TIGIT: variants seen among roughly 807,000 people sequenced by gnomAD.
TIGIT encodes the protein T cell immunoreceptor with Ig and ITIM domains, also known as T-cell immunoreceptor with Ig and ITIM domains.
Under a neutral mutation model 19.6 loss-of-function variants are expected in TIGIT, and 11 were observed. That is an observed-to-expected ratio of 0.56 (90% CI 0.35 to 0.93). The LOEUF is 0.93. Ranked by LOEUF, TIGIT falls within the 40% of genes least tolerant of loss-of-function variation. The pLI, the probability that TIGIT is intolerant of heterozygous loss-of-function variation, is 0.01. For missense variants in TIGIT, 295 were observed against 303.9 expected, an observed-to-expected ratio of 0.97 and a Z score of 0.22; for synonymous variants, 130 against 125.5, an observed-to-expected ratio of 1.04 and a Z score of -0.24.
At chr3:114,307,533 A>G (rs1030900623) in intron 3 of TIGIT, 9 of 222,374 alleles carry the variant, frequency 4.0e-5, no homozygotes, top group Admixed American at 2.2e-4. Context: ...ATCAGGAGAG[A>G]GTGATGCCAA....
intron 1 of TIGIT, 91 bp from the exon 2 acceptor site, chr3:114,295,454 T>C (rs77967063): frequency 0.039 from 36,704 of 943,258 alleles, 921 homozygotes; most frequent in South Asian, 0.076. Flanking sequence ...CAAAATCCAG[T>C]TGGGGCCTCA....
At chr3:114,306,226 T>C (rs549265654) in intron 3 of TIGIT, among the ~76,000 whole-genome samples, 1 of 152,272 alleles carries the variant, frequency 6.6e-6, no homozygotes, top group East Asian at 1.9e-4. Context: ...TCTTCTGTTT[T>C]GGGAAAGGCA....
In TIGIT at chr3:114,309,015, G is replaced by A. The variant is rs2078554356; in HGVS notation, c.*884G>A. ...CAGGCCTGTAGCCTCTTCCGGCCGT[G>A]TGTGCTGGGGAAGCCCCAGGAAACG... On this transcript the variant is annotated 3_prime_UTR_variant, in exon 4 of 4. Coordinates refer to ENST00000383671, the MANE Select transcript of TIGIT (RefSeq NM_173799.4). The A allele has an allele frequency of 6.6e-6, 1 of 152,266 alleles. No individual in the cohort carries two copies. The highest frequency in any genetic ancestry group is 2.4e-5 in the African/African-American group (1 of 41,466). 9.4% of individuals were successfully genotyped at this position (152,266 alleles called of 1,614,324 possible).
chr3:114,303,588 C>T (rs868167847), intron 3 of TIGIT, among the ~76,000 whole-genome samples: 2 of 53,234 alleles, frequency 3.8e-5, no homozygotes, highest in African/African-American at 2.8e-4. Context: ...TATATATATA[C>T]ATATATATGT....
chr3:114,304,342 C>A (rs761373086), intron 3 of TIGIT, among the ~76,000 whole-genome samples: 3 of 152,100 alleles, frequency 2.0e-5, no homozygotes, highest in African/African-American at 7.2e-5. Flanking sequence ...CATATTTGAC[C>A]CACAAAACTC....
chr3:114,307,782 C>A, intron 3 of TIGIT, 113 bp from the exon 4 acceptor site: 1 of 951,846 alleles, frequency 1.1e-6, no homozygotes, highest in Non-Finnish European at 1.6e-6. Context: ...TTGGTAAGAA[C>A]ATAAGTTTGC....
Position 114,302,564 on chromosome 3 carries a change from A to G in TIGIT, c.498+2861A>G, listed in dbSNP as rs116618458. 6.6e-3 allele frequency among the ~76,000 whole-genome samples: 1,012 copies of G among 152,230 alleles called. 7 individuals carry two copies. Among genetic ancestry groups the G allele is most frequent in the African/African-American group, 0.023 (965 of 41,532 alleles). ...GGCTTTCTTGGCTCCCATTGAAGTA[A>G]TTACATCCATTTTGTTTCTTTAAGT... On this transcript the variant is annotated intron_variant, in intron 3 of 3. Transcript: ENST00000383671.
At chr3:114,295,350 G>T (rs1343908179) in intron 1 of TIGIT, among the ~76,000 whole-genome samples, 195 bp from the exon 2 acceptor site, 1 of 152,158 alleles carries the variant, frequency 6.6e-6, no homozygotes, top group Admixed American at 6.5e-5. Context: ...TGAATAACAG[G>T]CATGGAGAGG....
At position 114,309,933 on chromosome 3, in the gene TIGIT, A is replaced by C. The variant is rs752430179; in HGVS notation, c.*1802A>C. 2 of 152,198 alleles carry C rather than the reference A, an allele frequency of 1.3e-5. No homozygotes were observed. Among genetic ancestry groups the C allele is most frequent in the East Asian group, 1.9e-4 (1 of 5,200 alleles). The allele number at this position is 152,198 out of a possible 1,614,324, so 9.4% of individuals were successfully genotyped here. ...TGATAAAATACAAAAGGGCCTATAG[A>C]TGTTAGAAATGGGTCAGGTTACTGA... is the stretch of plus-strand genomic sequence containing the variant. On this transcript the variant is annotated 3_prime_UTR_variant, in exon 4 of 4. Transcript: ENST00000383671.
chr3:114,309,272 G>A lies in TIGIT; in HGVS notation c.*1141G>A, dbSNP rs777832960. ...CGAACCCTTTTATTCACTCCCTGAC[G>A]ACTTTGTGCTGGGGTTGGGGTAACT... On this transcript the variant is annotated 3_prime_UTR_variant, in exon 4 of 4. Transcript: ENST00000383671. 1.3e-5 allele frequency: 2 copies of A among 152,214 alleles called. No homozygotes were observed. Among genetic ancestry groups the A allele is most frequent in the African/African-American group, 2.4e-5 (1 of 41,442 alleles). 9.4% of individuals were successfully genotyped at this position (152,214 alleles called of 1,614,324 possible).
At chr3:114,296,887 CTTCT>C (rs1233768022) in intron 2 of TIGIT, among the ~76,000 whole-genome samples, 1 of 116,064 alleles carries the variant, frequency 8.6e-6, no homozygotes, top group East Asian at 2.5e-4. Context: ...TCAAATGTTA[CTTCT>C]TTTTTTTTTT....
In TIGIT at chr3:114,309,233, C is replaced by G. The variant is rs748020660; in HGVS notation, c.*1102C>G. The stretch of plus-strand genomic sequence containing the variant: ...AGAGGGTTTAAAAAATAAACACCTT[C>G]AAACTAACTTCTTCGAACCCTTTTA... On this transcript the variant is annotated 3_prime_UTR_variant, in exon 4 of 4. Coordinates refer to ENST00000383671, the MANE Select transcript of TIGIT (RefSeq NM_173799.4). The G allele has an allele frequency of 6.6e-5, 10 of 152,218 alleles. No individual in the cohort carries two copies. Among genetic ancestry groups the G allele is most frequent in the Non-Finnish European group, 1.5e-4 (10 of 68,032 alleles). 9.4% of individuals were successfully genotyped at this position (152,218 alleles called of 1,614,324 possible). A position where few individuals can be genotyped will look rare whatever the true frequency, so the allele number is the denominator to read the frequency against.
rs2078550406 is a variant in TIGIT, at chr3:114,308,471, A to G, written c.*340A>G. ...CTCATAATGGCCAGCATTTTGGGCT[A>G]CAAGGTTTTGTGGTTGATGATGAGG... On this transcript the variant is annotated 3_prime_UTR_variant, in exon 4 of 4. Coordinates refer to ENST00000383671, the MANE Select transcript of TIGIT (RefSeq NM_173799.4). The G allele has an allele frequency of 9.6e-6, 2 of 207,736 alleles. No individual in the cohort carries two copies. Among genetic ancestry groups the G allele is most frequent in the Non-Finnish European group, 1.9e-5 (2 of 102,666 alleles). The allele number at this position is 207,736 out of a possible 1,614,324, so 12.9% of individuals were successfully genotyped here.
In TIGIT at chr3:114,299,662, A is replaced by G. The variant is rs767417384; in HGVS notation, c.457A>G (p.Ile153Val). ...AGCCATGGCCGCGACGCTGGTGGTCATCTGCACAGCAGTCATCGTGGTGGT... is the reference window on the plus strand; with the variant it reads ...AGCCATGGCCGCGACGCTGGTGGTCGTCTGCACAGCAGTCATCGTGGTGGT... ...LGAMAATLVV[I>V]CTAVIVVVAL... Residue 153 changes from isoleucine (I) to valine (V), a missense_variant, in exon 3 of 4, where the codon ATC becomes GTC. By Grantham distance (29) the Ile-to-Val change is conservative (BLOSUM62 3). Coordinates refer to ENST00000383671, the MANE Select transcript of TIGIT (RefSeq NM_173799.4). 2.5e-6 allele frequency: 4 copies of G among 1,613,242 alleles called. No homozygotes were observed. The South Asian group carries it at 3.3e-5, about 13-fold the overall frequency.
At position 114,308,889 on chromosome 3, in the gene TIGIT, C is replaced by G. The variant is rs1268406723; in HGVS notation, c.*758C>G. 1 of 152,182 alleles carries G rather than the reference C, an allele frequency of 6.6e-6. No homozygotes were observed. Among genetic ancestry groups the G allele is most frequent in the Non-Finnish European group, 1.5e-5 (1 of 68,060 alleles). The allele number at this position is 152,182 out of a possible 1,614,324, so 9.4% of individuals were successfully genotyped here. Reference sequence around the variant, plus strand: ...GAGCTGAAAGTCCCACAAAGAAGGCCCTGGCACCAAGGGAGTCAGCAAACT... The same window carrying G: ...GAGCTGAAAGTCCCACAAAGAAGGCGCTGGCACCAAGGGAGTCAGCAAACT... On this transcript the variant is annotated 3_prime_UTR_variant, in exon 4 of 4. Coordinates refer to ENST00000383671, the MANE Select transcript of TIGIT (RefSeq NM_173799.4).
chr3:114,301,617 T>C (rs770422578), intron 3 of TIGIT, among the ~76,000 whole-genome samples: 1 of 152,214 alleles, frequency 6.6e-6, no homozygotes, highest in Non-Finnish European at 1.5e-5. Flanking sequence ...ACTTTTCCTG[T>C]TAAGGATTCA....
In TIGIT at chr3:114,303,621, GTA is replaced by G. The variant is rs375978834; in HGVS notation, c.498+3927_498+3928del. 7.3e-3 allele frequency among the ~76,000 whole-genome samples: 414 copies of G among 56,762 alleles called. 17 individuals carry two copies. The highest frequency in any genetic ancestry group is 0.011 in the Middle Eastern group (1 of 94). The allele number at this position is 56,762 out of a possible 152,430, so 37.2% of individuals were successfully genotyped here. A position where few individuals can be genotyped will look rare whatever the true frequency, so the allele number is the denominator to read the frequency against. On this transcript the variant is annotated intron_variant, in intron 3 of 3. Coordinates refer to ENST00000383671, the MANE Select transcript of TIGIT (RefSeq NM_173799.4). ...TGTATATATATATATACATATATAT[GTA>G]TATATATACACACACACACACACAC...
At chr3:114,305,901 G>T (rs1222580285) in intron 3 of TIGIT, among the ~76,000 whole-genome samples, 4 of 150,402 alleles carry the variant, frequency 2.7e-5, no homozygotes, top group Admixed American at 1.3e-4. Flanking sequence ...TAGATAGATA[G>T]ATAGATGAGG....
Position 114,308,932 on chromosome 3 carries a change from G to C in TIGIT, c.*801G>C, listed in dbSNP as rs2078553872. The C allele has an allele frequency of 6.6e-6, 1 of 152,184 alleles. No homozygotes were observed. Among genetic ancestry groups the C allele is most frequent in the African/African-American group, 2.4e-5 (1 of 41,422 alleles). 9.4% of individuals were successfully genotyped at this position (152,184 alleles called of 1,614,324 possible). ...AGCAAACTTCAGATTTTATTCTCTG[G>C]GCAGGCATTTCAAGTTTCCTTTTGC... On this transcript the variant is annotated 3_prime_UTR_variant, in exon 4 of 4. Transcript: ENST00000383671.
Sources: gnomAD v4.1 joint callset for allele counts (sites outside exome capture counted in the v4.1 genomes callset) on GRCh38, gnomAD v4.1.1 for gene constraint, MANE v1.5 for transcripts, NCBI Gene and HGNC (gene_info 2026-07-23, HGNC 2026-07-21) for gene names.